BPIFB1: variants seen among roughly 807,000 people sequenced by gnomAD.
BPIFB1 encodes BPI fold-containing family B member 1.
BPIFB1 carries 34 observed loss-of-function variants against 55.1 expected under a neutral mutation model. The ratio of observed to expected loss-of-function variants is 0.62; its 90% CI spans 0.47 to 0.82. The LOEUF is 0.82. BPIFB1 is among the 40% of genes least tolerant of loss of function. The pLI, the probability that BPIFB1 is intolerant of heterozygous loss-of-function variation, is 0.00. For missense variants in BPIFB1, 532 were observed against 593.1 expected, an observed-to-expected ratio of 0.90 and a Z score of 1.07; for synonymous variants, 236 against 245.3, an observed-to-expected ratio of 0.96 and a Z score of 0.35.
At chr20:33,299,866 C>A in intron 7 of BPIFB1, 33 bp from the exon 8 acceptor site, 1 of 1,603,162 alleles carries the variant, frequency 6.2e-7, no homozygotes, top group Middle Eastern at 1.7e-4. Context: ...CTGCCCTCCA[C>A]CCTCACAGAA....
intron 6 of BPIFB1, among the ~76,000 whole-genome samples, chr20:33,295,660 G>GAAAGAAAGAAAGAAAGAA (rs1568650092): frequency 7.0e-6 from 1 of 142,284 alleles, no homozygotes; most frequent in African/African-American, 2.9e-5. Flanking sequence ...AAGAAAGAAA[G>GAAAGAAAGAAAGAAAGAA]AGAGAAAGAA....
At chr20:33,291,367 A>C (rs1980467236) in intron 5 of BPIFB1, among the ~76,000 whole-genome samples, 1 of 152,204 alleles carries the variant, frequency 6.6e-6, no homozygotes, top group African/African-American at 2.4e-5. Context: ...GGGGAGGCCT[A>C]GAAACTCCTC....
rs1197080906 is a variant in BPIFB1, at chr20:33,302,382, G to A, written c.951G>A (p.Leu317=). Reference sequence around the variant, plus strand: ...AGCTTCCTGAGAGTGCCCATCGGCTGAAGTCAAGCATCGGGCTGATCAATG... The same window carrying A: ...AGCTTCCTGAGAGTGCCCATCGGCTAAAGTCAAGCATCGGGCTGATCAATG... The part of the protein sequence containing the change: ...DSVLPESAHR[L]KSSIGLINEK... Residue 317 remains leucine, a synonymous_variant, in exon 10 of 16, where the codon CTG becomes CTA. Coordinates refer to ENST00000253354, the MANE Select transcript of BPIFB1 (RefSeq NM_033197.3). 9.9e-6 allele frequency: 16 copies of A among 1,613,884 alleles called. No individual in the cohort carries two copies. In the Admixed American group the frequency reaches 1.0e-4, roughly 10 times the overall value.
At chr20:33,303,121 C>T (rs1346947632) in intron 11 of BPIFB1, 47 bp downstream of exon 11, 1 of 1,605,680 alleles carries the variant, frequency 6.2e-7, no homozygotes, top group African/African-American at 1.3e-5. Context: ...GGGGACCCTT[C>T]TGTCTACTTT....
chr20:33,297,411 G>T, intron 6 of BPIFB1, 114 bp from the exon 7 acceptor site: 1 of 1,111,330 alleles, frequency 9.0e-7, no homozygotes, highest in African/African-American at 1.5e-5. Context: ...GAACCTGGCT[G>T]GCCATGGGCA....
At chr20:33,302,558 C>T in intron 10 of BPIFB1, 146 bp downstream of exon 10, 1 of 885,812 alleles carries the variant, frequency 1.1e-6, no homozygotes, top group Non-Finnish European at 1.8e-6. Flanking sequence ...AGATTTCAGT[C>T]TAGCAGGCCA....
chr20:33,307,300 G>A, intron 15 of BPIFB1: 1 of 306,612 alleles, frequency 3.3e-6, no homozygotes, highest in South Asian at 5.6e-5. Flanking sequence ...AGTGCTTGAG[G>A]CCACCGAAAT....
Position 33,300,066 on chromosome 20 carries a change from G to T in BPIFB1, c.747+82G>T. 18 of 1,233,664 alleles carry T rather than the reference G, an allele frequency of 1.5e-5. 1 individual carries two copies. In the Middle Eastern group the frequency reaches 3.2e-3, roughly 218 times the overall value. The allele number at this position is 1,233,664 out of a possible 1,614,324, so 76.4% of individuals were successfully genotyped here. On this transcript the variant is annotated intron_variant, in intron 8 of 15. Transcript: ENST00000253354. ...ACCAGGAGTCAGATAGCATGGGCCT[G>T]TGTTAGGAGAGAAAATCCTGGTCAC...
chr20:33,302,764 C>A, intron 10 of BPIFB1, 152 bp from the exon 11 acceptor site: 1 of 854,028 alleles, frequency 1.2e-6, no homozygotes, highest in Non-Finnish European at 1.8e-6. Flanking sequence ...GAGAACAACA[C>A]AACATTCAAG....
intron 7 of BPIFB1, chr20:33,299,032 G>A: frequency 3.6e-6 from 1 of 279,188 alleles, no homozygotes; most frequent in South Asian, 2.9e-5. Flanking sequence ...AATTTTTACA[G>A]GAGTCATGCT....
chr20:33,293,428 G>C (rs1020371344), intron 6 of BPIFB1, among the ~76,000 whole-genome samples: 1 of 152,120 alleles, frequency 6.6e-6, no homozygotes, highest in Non-Finnish European at 1.5e-5. Context: ...TACAATACTT[G>C]TAATTATTAA....
At chr20:33,285,630 A>G (rs1980242288) in intron 1 of BPIFB1, among the ~76,000 whole-genome samples, 1 of 150,946 alleles carries the variant, frequency 6.6e-6, no homozygotes, top group African/African-American at 2.4e-5. Context: ...AGGCAGGAGA[A>G]TGGTGTGAAC....
chr20:33,308,258 C>T (rs1247179298), intron 15 of BPIFB1, among the ~76,000 whole-genome samples: 1 of 152,204 alleles, frequency 6.6e-6, no homozygotes, highest in Non-Finnish European at 1.5e-5. Context: ...TTAGACCCCA[C>T]CTCCAACATT....
intron 8 of BPIFB1, 72 bp downstream of exon 8, chr20:33,300,056 G>A (rs1980797348): frequency 1.8e-5 from 24 of 1,315,300 alleles, no homozygotes; most frequent in Non-Finnish European, 2.6e-5. Flanking sequence ...GAGTCAGATA[G>A]CATGGGCCTG....
Position 33,309,623 on chromosome 20 carries a change from C to A in BPIFB1, c.1396-85C>A. The A allele has an allele frequency of 7.5e-7, 1 of 1,339,124 alleles. No homozygotes were observed. Among genetic ancestry groups the A allele is most frequent in the South Asian group, 1.2e-5 (1 of 84,638 alleles). The allele number at this position is 1,339,124 out of a possible 1,614,324, so 83.0% of individuals were successfully genotyped here. A position where few individuals can be genotyped will look rare whatever the true frequency, so the allele number is the denominator to read the frequency against. Reference sequence around the variant, plus strand: ...GTCATGGTCCCCCGGTGCCAGCAGTCACCTTATGGAGGACAAAACCAGCAT... The same window carrying A: ...GTCATGGTCCCCCGGTGCCAGCAGTAACCTTATGGAGGACAAAACCAGCAT... On this transcript the variant is annotated intron_variant, in intron 15 of 15. Transcript: ENST00000253354. The surrounding 1 kb of genome is among the most constrained non-coding windows in gnomAD (Gnocchi z 4.4).
intron 6 of BPIFB1, among the ~76,000 whole-genome samples, chr20:33,295,923 G>A (rs536572414): frequency 2.9e-5 from 4 of 137,084 alleles, no homozygotes; most frequent in African/African-American, 1.1e-4. Context: ...GAAGGGAAAG[G>A]GAAGGAAGGA....
intron 1 of BPIFB1, among the ~76,000 whole-genome samples, chr20:33,284,435 C>G (rs1980199538): frequency 6.6e-6 from 1 of 152,144 alleles, no homozygotes; most frequent in Non-Finnish European, 1.5e-5. Context: ...CTGGTCTATG[C>G]CAACCACTAT....
At chr20:33,305,015 C>T in intron 13 of BPIFB1, 124 bp downstream of exon 13, 1 of 1,070,470 alleles carries the variant, frequency 9.3e-7, no homozygotes, top group Non-Finnish European at 1.4e-6. Flanking sequence ...GGGGGGCTGG[C>T]CGGTCTCCAC....
intron 3 of BPIFB1, 98 bp from the exon 4 acceptor site, chr20:33,289,787 G>A: frequency 2.6e-6 from 3 of 1,172,648 alleles, no homozygotes; most frequent in Non-Finnish European, 3.8e-6. Context: ...TCCCGCTGCT[G>A]CCTAGGCACC....
Sources: allele counts gnomAD v4.1 joint callset (sites outside exome capture counted in the v4.1 genomes callset), GRCh38; gene constraint gnomAD v4.1.1; non-coding constraint Gnocchi (gnomAD v3.1); transcripts MANE v1.5; gene names NCBI Gene and HGNC (gene_info 2026-07-23, HGNC 2026-07-21).